SMYD3: variants seen among roughly 807,000 people sequenced by gnomAD.
The protein encoded by SMYD3 is histone-lysine N-methyltransferase SMYD3.
In SMYD3, 36 loss-of-function variants were observed where a neutral mutation model predicts 57.7. That is an observed-to-expected ratio of 0.62 (90% CI 0.48 to 0.82). SMYD3 has a LOEUF of 0.82. Among genes scored for constraint, SMYD3 ranks in the 40% least tolerant of loss-of-function variants. The probability of loss-of-function intolerance (pLI) is 0.00; values close to 1 mark genes in which losing one functional copy is unlikely to be tolerated. For missense variants in SMYD3, 515 were observed against 538.8 expected, an observed-to-expected ratio of 0.96 and a Z score of 0.44; for synonymous variants, 211 against 195.0, an observed-to-expected ratio of 1.08 and a Z score of -0.68.
chr1:245,910,202 A>G (rs2054867043), intron 8 of SMYD3, among the ~76,000 whole-genome samples: 1 of 152,190 alleles, frequency 6.6e-6, no homozygotes, highest in African/African-American at 2.4e-5. Context: ...TCCCATTTGC[A>G]ACAGCTACAA....
chr1:246,466,870 AT>A (rs1260372109), intron 1 of SMYD3, among the ~76,000 whole-genome samples: 1 of 151,276 alleles, frequency 6.6e-6, no homozygotes, highest in Non-Finnish European at 1.5e-5. Flanking sequence ...AATTTTTAAA[AT>A]TTTTTTTTTA....
At chr1:245,862,790 A>C (rs1386875342) in intron 9 of SMYD3, among the ~76,000 whole-genome samples, 1 of 152,204 alleles carries the variant, frequency 6.6e-6, no homozygotes. Context: ...TTTACCAAAG[A>C]AAGCTGTGAC....
At chr1:245,902,973 A>C (rs1222758137) in intron 8 of SMYD3, among the ~76,000 whole-genome samples, 1 of 152,226 alleles carries the variant, frequency 6.6e-6, no homozygotes, top group Non-Finnish European at 1.5e-5. Context: ...CAACACAATA[A>C]TTCTTCAGAA....
intron 1 of SMYD3, among the ~76,000 whole-genome samples, chr1:246,463,546 G>A (rs144306598): frequency 4.0e-5 from 6 of 151,730 alleles, no homozygotes; most frequent in East Asian, 3.9e-4. Flanking sequence ...GGCCAGGCAC[G>A]GTGGCTCACG....
chr1:246,182,680 T>C (rs1399752586), intron 5 of SMYD3, among the ~76,000 whole-genome samples: 1 of 152,104 alleles, frequency 6.6e-6, no homozygotes, highest in Non-Finnish European at 1.5e-5. Context: ...GAGTCACAAT[T>C]AGAAAAATAA....
At chr1:246,299,007 G>C (rs1259241116) in intron 5 of SMYD3, among the ~76,000 whole-genome samples, 1 of 152,128 alleles carries the variant, frequency 6.6e-6, no homozygotes, top group Non-Finnish European at 1.5e-5. Context: ...CTTGTATAGG[G>C]TTGGTGGAGT....
intron 1 of SMYD3, among the ~76,000 whole-genome samples, chr1:246,506,815 G>C (rs1430104444): frequency 1.5e-5 from 2 of 137,296 alleles, no homozygotes; most frequent in Non-Finnish European, 1.5e-5. Flanking sequence ...AGGTTGGGGG[G>C]CAGTGGCTGA....
chr1:246,256,520 G>A (rs760533474), intron 5 of SMYD3, among the ~76,000 whole-genome samples: 1 of 152,042 alleles, frequency 6.6e-6, no homozygotes, highest in Non-Finnish European at 1.5e-5. Context: ...TGTGGGATCG[G>A]TTGTAATGTC....
At chr1:246,316,883 T>C (rs1185790983) in intron 5 of SMYD3, among the ~76,000 whole-genome samples, 2 of 151,068 alleles carry the variant, frequency 1.3e-5, no homozygotes, top group East Asian at 2.0e-4. Flanking sequence ...TAGTCCCAGA[T>C]ACTCGGGAGG....
At chr1:246,085,733 C>A (rs917293666) in intron 5 of SMYD3, among the ~76,000 whole-genome samples, 1 of 152,068 alleles carries the variant, frequency 6.6e-6, no homozygotes, top group African/African-American at 2.4e-5. Context: ...TATGAAGTCT[C>A]CCATGTCACA....
intron 1 of SMYD3, among the ~76,000 whole-genome samples, chr1:246,502,134 C>T (rs944391876): frequency 1.2e-5 from 1 of 82,478 alleles, no homozygotes; most frequent in Non-Finnish European, 2.7e-5. Context: ...AATGCAGCTG[C>T]CTTTTTTTTT....
chr1:245,880,276 T>G (rs1343525257), intron 8 of SMYD3, among the ~76,000 whole-genome samples: 8 of 152,214 alleles, frequency 5.3e-5, no homozygotes, highest in Admixed American at 4.6e-4. Context: ...ACCATATTGT[T>G]CGATTTCAAC....
At chr1:245,792,897 T>C (rs1302419567) in intron 10 of SMYD3, among the ~76,000 whole-genome samples, 1 of 152,152 alleles carries the variant, frequency 6.6e-6, no homozygotes. Context: ...AGTACCATAA[T>C]GATGACAAAA....
chr1:246,129,431 A>G (rs1185383337), intron 5 of SMYD3, among the ~76,000 whole-genome samples: 2 of 152,156 alleles, frequency 1.3e-5, no homozygotes, highest in Non-Finnish European at 2.9e-5. Context: ...GAAATTAAGA[A>G]TAGAGTAAAG....
intron 5 of SMYD3, among the ~76,000 whole-genome samples, chr1:246,267,460 T>C (rs901951510): frequency 5.3e-5 from 8 of 152,260 alleles, no homozygotes; most frequent in African/African-American, 1.4e-4. Context: ...TAAAATTTCA[T>C]ATGAACACTT....
intron 5 of SMYD3, among the ~76,000 whole-genome samples, chr1:246,254,488 G>A (rs1192165823): frequency 1.3e-5 from 2 of 152,114 alleles, no homozygotes; most frequent in Non-Finnish European, 2.9e-5. Flanking sequence ...CTGTTCCACT[G>A]GTCTATGTGT....
At chr1:246,473,601 C>T (rs183164477) in intron 1 of SMYD3, among the ~76,000 whole-genome samples, 2 of 152,206 alleles carry the variant, frequency 1.3e-5, no homozygotes, top group African/African-American at 4.8e-5. Flanking sequence ...TAAAATTGCC[C>T]CCCACCACCA....
intron 5 of SMYD3, among the ~76,000 whole-genome samples, chr1:246,271,855 A>G (rs1288513488): frequency 2.0e-5 from 3 of 152,088 alleles, no homozygotes; most frequent in African/African-American, 7.2e-5. Context: ...TTTGATAGGG[A>G]ACGCATTGAA....
At chr1:245,978,127 C>G (rs1486793665) in intron 5 of SMYD3, among the ~76,000 whole-genome samples, 1 of 152,138 alleles carries the variant, frequency 6.6e-6, no homozygotes, top group African/African-American at 2.4e-5. Flanking sequence ...CAGAAGGAAT[C>G]GTGAAGTAAA....
Sources: gnomAD v4.1 joint callset for allele counts (sites outside exome capture counted in the v4.1 genomes callset) on GRCh38, gnomAD v4.1.1 for gene constraint, MANE v1.5 for transcripts, NCBI Gene and HGNC (gene_info 2026-07-23, HGNC 2026-07-21) for gene names.